Variants in PALM2AKAP2 observed in about 807,000 individuals in gnomAD.
The protein encoded by PALM2AKAP2 is PALM2 and AKAP2 fusion, also known as PALM2-AKAP2 fusion protein.
A neutral mutation model predicts 71.5 loss-of-function variants in PALM2AKAP2; 37 were observed. The observed-to-expected ratio is 0.52, with a 90% CI of 0.40 to 0.68. The LOEUF is 0.68. Among genes scored for constraint, PALM2AKAP2 ranks in the 30% least tolerant of loss-of-function variants. The pLI is 0.00. For synonymous variants in PALM2AKAP2, 468 were observed against 478.8 expected, an observed-to-expected ratio of 0.98 and a Z score of 0.29; for missense variants, 1,224 against 1,191.8, an observed-to-expected ratio of 1.03 and a Z score of -0.40.
intron 7 of PALM2AKAP2, among the ~76,000 whole-genome samples, chr9:110,027,088 C>G (rs76341434): frequency 0.015 from 2,302 of 152,210 alleles, 35 homozygotes; most frequent in South Asian, 0.044. Context: ...GGCTACCCCT[C>G]AGAAATAAAG....
intron 1 of PALM2AKAP2, among the ~76,000 whole-genome samples, chr9:109,666,668 A>G (rs1164708531): frequency 6.6e-6 from 1 of 152,252 alleles, no homozygotes; most frequent in Non-Finnish European, 1.5e-5. Flanking sequence ...TGGATTTGCC[A>G]TTACAGGTGT....
intron 3 of PALM2AKAP2, among the ~76,000 whole-genome samples, chr9:110,158,983 C>A (rs925043383): frequency 6.6e-6 from 1 of 152,190 alleles, no homozygotes; most frequent in African/African-American, 2.4e-5. Flanking sequence ...ATTTAGGGGA[C>A]CTTTTCTCCT....
intron 1 of PALM2AKAP2, among the ~76,000 whole-genome samples, chr9:109,863,657 A>G (rs1829371236): frequency 6.6e-6 from 1 of 152,340 alleles, no homozygotes; most frequent in Middle Eastern, 3.4e-3. Context: ...GACCTCAGCC[A>G]TCAAACAAGT....
At chr9:109,717,071 AG>A (rs1398371361) in intron 1 of PALM2AKAP2, among the ~76,000 whole-genome samples, 1 of 152,092 alleles carries the variant, frequency 6.6e-6, no homozygotes, top group Non-Finnish European at 1.5e-5. Flanking sequence ...TGTGGGAGAA[AG>A]GCTTGGCTCC....
At position 109,942,832 on chromosome 9, in the gene PALM2AKAP2, C is replaced by T. The variant is rs139477472; in HGVS notation, c.496+10804C>T. ...TGGTACCAAAGTAGTGTATGAGGTG[C>T]GCTCAGGAGGCACCGTAGTAGAAAA... On this transcript the variant is annotated intron_variant, in intron 6 of 9. Transcript: ENST00000302798. The T allele has an allele frequency of 4.7e-4, 759 of 1,614,086 alleles. No individual in the cohort carries two copies. In the East Asian group the frequency reaches 5.9e-3, roughly 13 times the overall value.
exon 2 of PALM2AKAP2, chr9:110,136,663 G>C: frequency 6.2e-7 from 1 of 1,614,128 alleles, no homozygotes; most frequent in Middle Eastern, 1.6e-4. Flanking sequence ...CTAGAGATGC[G>C]CTGGGGGACA....
At chr9:109,662,115 G>T (rs893735294) in intron 1 of PALM2AKAP2, among the ~76,000 whole-genome samples, 20 of 152,084 alleles carry the variant, frequency 1.3e-4, no homozygotes, top group Non-Finnish European at 2.8e-4. Flanking sequence ...TCTGCAAACA[G>T]GGACAATTTG....
chr9:110,114,249 G>A (rs1249810873), intron 1 of PALM2AKAP2, among the ~76,000 whole-genome samples: 1 of 152,150 alleles, frequency 6.6e-6, no homozygotes, highest in Admixed American at 6.5e-5. Flanking sequence ...TTCTTGACTT[G>A]TAAATGAATC....
chr9:109,825,255 A>C (rs1475990560), intron 1 of PALM2AKAP2, among the ~76,000 whole-genome samples: 1 of 152,176 alleles, frequency 6.6e-6, no homozygotes, highest in East Asian at 1.9e-4. Flanking sequence ...AACCATAAAA[A>C]CCCTAGAAGA....
At chr9:109,892,117 G>A (rs1162148710) in intron 3 of PALM2AKAP2, among the ~76,000 whole-genome samples, 4 of 152,220 alleles carry the variant, frequency 2.6e-5, no homozygotes, top group South Asian at 2.1e-4. Flanking sequence ...CTACACGTTC[G>A]TGGCTTAAAA....
intron 7 of PALM2AKAP2, among the ~76,000 whole-genome samples, chr9:110,030,652 C>T (rs1472562970): frequency 6.6e-6 from 1 of 152,190 alleles, no homozygotes; most frequent in Non-Finnish European, 1.5e-5. Flanking sequence ...TCTAGTGCTC[C>T]TATCTCGATA....
At chr9:109,875,273 A>G (rs1258549732) in intron 2 of PALM2AKAP2, among the ~76,000 whole-genome samples, 3 of 152,216 alleles carry the variant, frequency 2.0e-5, no homozygotes, top group Non-Finnish European at 4.4e-5. Flanking sequence ...GTCATCAGAG[A>G]GACCTTTCCC....
intron 2 of PALM2AKAP2, among the ~76,000 whole-genome samples, chr9:109,874,835 C>T (rs1829683627): frequency 6.6e-6 from 1 of 152,202 alleles, no homozygotes; most frequent in African/African-American, 2.4e-5. Context: ...TTTTTCTCAG[C>T]CCACATCTAA....
chr9:109,744,237 G>A (rs1828763975), intron 1 of PALM2AKAP2, among the ~76,000 whole-genome samples: 1 of 152,092 alleles, frequency 6.6e-6, no homozygotes, highest in African/African-American at 2.4e-5. Flanking sequence ...AGATGTGGAG[G>A]GCAGAGAATG....
intron 3 of PALM2AKAP2, among the ~76,000 whole-genome samples, chr9:110,165,965 T>G (rs1836724073): frequency 6.6e-6 from 1 of 152,130 alleles, no homozygotes; most frequent in Admixed American, 6.5e-5. Flanking sequence ...GGGACCATAG[T>G]TTTTAGAACT....
At chr9:109,721,899 A>G (rs1828411188) in intron 1 of PALM2AKAP2, among the ~76,000 whole-genome samples, 1 of 152,222 alleles carries the variant, frequency 6.6e-6, no homozygotes, top group South Asian at 2.1e-4. Flanking sequence ...ATAATTATAT[A>G]TGAATTAGAT....
chr9:110,151,582 C>T (rs1022785135), intron 2 of PALM2AKAP2, among the ~76,000 whole-genome samples: 39 of 152,120 alleles, frequency 2.6e-4, no homozygotes, highest in Non-Finnish European at 4.1e-4. Flanking sequence ...AGTAACTATC[C>T]TACAAAGCTA....
In PALM2AKAP2 at chr9:110,023,305, C is replaced by CTTTTTTTTTTT. The variant is rs149672913; in HGVS notation, c.582+7282_582+7292dup. On this transcript the variant is annotated intron_variant, in intron 7 of 9. Transcript: ENST00000302798. ...GTGAGATGGTATCTCATTGTGGTTTCTTTTTTTTTTTTTTTTTTTTTTTTT... is the reference window on the plus strand; with the variant it reads ...GTGAGATGGTATCTCATTGTGGTTTCTTTTTTTTTTTTTTTTTTTTTTTTTTTTTTTTTTTT... Among the ~76,000 whole-genome samples the CTTTTTTTTTTT allele has an allele frequency of 1.4e-3, 101 of 74,042 alleles. 7 individuals carry two copies. Among genetic ancestry groups the CTTTTTTTTTTT allele is most frequent in the African/African-American group, 2.3e-3 (37 of 16,186 alleles). The allele number at this position is 74,042 out of a possible 152,430, so 48.6% of individuals were successfully genotyped here. A position where few individuals can be genotyped will look rare whatever the true frequency, so the allele number is the denominator to read the frequency against.
chr9:109,868,303 C>A (rs1407863535), intron 2 of PALM2AKAP2, among the ~76,000 whole-genome samples: 1 of 152,166 alleles, frequency 6.6e-6, no homozygotes, highest in Admixed American at 6.5e-5. Context: ...CACAAGGACC[C>A]CACTGGTTGC....
Sources: allele counts gnomAD v4.1 joint callset (sites outside exome capture counted in the v4.1 genomes callset), GRCh38; gene constraint gnomAD v4.1.1; transcripts MANE v1.5; gene names NCBI Gene and HGNC (gene_info 2026-07-23, HGNC 2026-07-21).